The following UMAD1 variants were observed in gnomAD, a reference collection of about 807,000 sequenced individuals.
UMAD1 encodes the protein UBAP1-MVB12-associated (UMA)-domain containing protein 1.
Under a neutral mutation model 6.1 loss-of-function variants are expected in UMAD1, and 8 were observed. That is an observed-to-expected ratio of 1.30 (90% CI 0.76 to 2.35). The LOEUF (loss-of-function observed/expected upper bound fraction) is 2.35, where lower values mean the gene tolerates loss of function less well. Ranked by LOEUF, UMAD1 falls within the 30% of genes most tolerant of loss-of-function variation. UMAD1 has a pLI of 0.00. For synonymous variants in UMAD1, 56 were observed against 31.4 expected (o/e 1.78, Z -2.61); for missense variants, 130 against 78.4 (o/e 1.66, Z -2.49).
At chr7:7,856,513 C>T (rs539092409) in intron 3 of UMAD1, among the ~76,000 whole-genome samples, 14 of 152,302 alleles carry the variant, frequency 9.2e-5, no homozygotes, top group Non-Finnish European at 1.8e-4. Flanking sequence ...AGGTCCCTCC[C>T]GCAACATATG....
intron 2 of UMAD1, among the ~76,000 whole-genome samples, chr7:7,764,162 G>A (rs190856186): frequency 6.6e-6 from 1 of 152,118 alleles, no homozygotes; most frequent in Admixed American, 6.5e-5. Flanking sequence ...GGTGTGATAC[G>A]GCAGTCACAG....
chr7:7,731,507 C>G (rs139542001), intron 2 of UMAD1, among the ~76,000 whole-genome samples: 2 of 140,316 alleles, frequency 1.4e-5, no homozygotes, highest in African/African-American at 2.7e-5. Context: ...AAAAACACTT[C>G]TAGAGGTATT....
At chr7:7,777,168 C>G (rs1267494741) in intron 2 of UMAD1, among the ~76,000 whole-genome samples, 1 of 151,984 alleles carries the variant, frequency 6.6e-6, no homozygotes, top group East Asian at 1.9e-4. Flanking sequence ...ATTTACTGAT[C>G]TCCTGTCTAG....
chr7:7,670,787 C>T (rs987701475), intron 1 of UMAD1, among the ~76,000 whole-genome samples: 3 of 152,212 alleles, frequency 2.0e-5, no homozygotes, highest in Admixed American at 6.5e-5. Flanking sequence ...AAACCACTCC[C>T]ATTTACAAAG....
intron 1 of UMAD1, among the ~76,000 whole-genome samples, chr7:7,647,837 T>C (rs913800661): frequency 6.6e-6 from 1 of 152,204 alleles, no homozygotes; most frequent in Admixed American, 6.5e-5. Flanking sequence ...ACTGCTAGGC[T>C]CAAGCAAGCC....
At chr7:7,750,163 T>C (rs199794595) in intron 2 of UMAD1, among the ~76,000 whole-genome samples, 1 of 152,178 alleles carries the variant, frequency 6.6e-6, no homozygotes, top group South Asian at 2.1e-4. Context: ...TCTTTATATA[T>C]GTCTTATATA....
intron 2 of UMAD1, among the ~76,000 whole-genome samples, chr7:7,686,244 G>A (rs1294344065): frequency 6.6e-6 from 1 of 152,112 alleles, no homozygotes; most frequent in Non-Finnish European, 1.5e-5. Flanking sequence ...CATAGGCAGG[G>A]CCAGTATTCT....
At chr7:7,756,770 C>A (rs983360745) in intron 2 of UMAD1, among the ~76,000 whole-genome samples, 1 of 152,244 alleles carries the variant, frequency 6.6e-6, no homozygotes, top group African/African-American at 2.4e-5. Context: ...TATTCCCTTA[C>A]GTAATCTGCT....
intron 3 of UMAD1, among the ~76,000 whole-genome samples, chr7:7,848,248 T>G (rs1783847991): frequency 6.6e-6 from 1 of 152,204 alleles, no homozygotes; most frequent in East Asian, 1.9e-4. Context: ...TTTCAAGATA[T>G]ATATTATGGC....
chr7:7,694,848 GT>G (rs1780269404), intron 2 of UMAD1, among the ~76,000 whole-genome samples: 1 of 152,140 alleles, frequency 6.6e-6, no homozygotes, highest in Admixed American at 6.5e-5. Flanking sequence ...CAATAAACAT[GT>G]GAGTACAGCT....
chr7:7,873,623 GGCATGT>G (rs1234151791), intron 3 of UMAD1, among the ~76,000 whole-genome samples: 1 of 152,106 alleles, frequency 6.6e-6, no homozygotes, highest in Non-Finnish European at 1.5e-5. Context: ...CACTCTTATA[GGCATGT>G]GCTTTTTAAC....
chr7:7,786,073 A>T (rs1349147002), intron 2 of UMAD1, among the ~76,000 whole-genome samples: 1 of 152,184 alleles, frequency 6.6e-6, no homozygotes, highest in African/African-American at 2.4e-5. Context: ...TGACAATATG[A>T]TGTCTCATTA....
At chr7:7,786,258 A>G (rs1299866642) in intron 2 of UMAD1, among the ~76,000 whole-genome samples, 1 of 152,192 alleles carries the variant, frequency 6.6e-6, no homozygotes, top group Non-Finnish European at 1.5e-5. Context: ...TGTTTCCATG[A>G]CCTTCAATAT....
intron 3 of UMAD1, among the ~76,000 whole-genome samples, chr7:7,802,612 G>A (rs1017841965): frequency 6.6e-6 from 1 of 152,148 alleles, no homozygotes; most frequent in Non-Finnish European, 1.5e-5. Flanking sequence ...GACTTAAGGG[G>A]AATGTTAAGT....
chr7:7,770,834 G>C (rs915561960), intron 2 of UMAD1, among the ~76,000 whole-genome samples: 2 of 152,072 alleles, frequency 1.3e-5, no homozygotes, highest in African/African-American at 4.8e-5. Context: ...AACTGCTCTT[G>C]GACATCTAGT....
chr7:7,771,920 A>C (rs1368299412), intron 2 of UMAD1, among the ~76,000 whole-genome samples: 4 of 152,174 alleles, frequency 2.6e-5, no homozygotes, highest in Non-Finnish European at 2.9e-5. Context: ...TATGTTTAAA[A>C]ATGTGCATTA....
chr7:7,835,407 A>G (rs1410223622), intron 3 of UMAD1, among the ~76,000 whole-genome samples: 1 of 93,938 alleles, frequency 1.1e-5, no homozygotes, highest in South Asian at 3.2e-4. Flanking sequence ...TTTTTGCTTT[A>G]AAAAAAAATC....
At chr7:7,680,698 A>G (rs989602617) in intron 2 of UMAD1, among the ~76,000 whole-genome samples, 1 of 150,484 alleles carries the variant, frequency 6.6e-6, no homozygotes, top group African/African-American at 2.4e-5. Context: ...ATTTTTTTTT[A>G]TGTGTGTTCT....
At chr7:7,842,551 A>T (rs1181817727) in intron 3 of UMAD1, among the ~76,000 whole-genome samples, 1 of 152,112 alleles carries the variant, frequency 6.6e-6, no homozygotes, top group Non-Finnish European at 1.5e-5. Flanking sequence ...ATTTTCTGAT[A>T]ACCTGTGGGC....
Sources: allele counts gnomAD v4.1 joint callset (sites outside exome capture counted in the v4.1 genomes callset), GRCh38; gene constraint gnomAD v4.1.1; transcripts MANE v1.5; gene names NCBI Gene and HGNC (gene_info 2026-07-23, HGNC 2026-07-21).